Variants in CATSPER3 observed in about 807,000 individuals in gnomAD.
CATSPER3 encodes the protein cation channel sperm-associated protein 3.
A neutral mutation model predicts 36.6 loss-of-function variants in CATSPER3; 23 were observed. The ratio of observed to expected loss-of-function variants is 0.63; its 90% CI spans 0.45 to 0.89. The LOEUF is 0.89. Ranked by LOEUF, CATSPER3 falls within the 40% of genes least tolerant of loss-of-function variation. The pLI is 0.00. For missense variants in CATSPER3, 474 were observed against 503.9 expected, an observed-to-expected ratio of 0.94 and a Z score of 0.57; for synonymous variants, 172 against 184.1, an observed-to-expected ratio of 0.93 and a Z score of 0.53.
At chr5:135,010,321 G>C in intron 6 of CATSPER3, 52 bp from the exon 7 acceptor site, 1 of 1,524,526 alleles carries the variant, frequency 6.6e-7, no homozygotes, top group Non-Finnish European at 9.1e-7. Context: ...TCTCTGTGCA[G>C]CTCGGCTGTC....
At chr5:134,971,316 G>A (rs1451510429) in intron 2 of CATSPER3, among the ~76,000 whole-genome samples, 1 of 151,982 alleles carries the variant, frequency 6.6e-6, no homozygotes, top group Non-Finnish European at 1.5e-5. Flanking sequence ...AGCTACTCTA[G>A]AGGTTTAGGT....
Position 134,968,043 on chromosome 5 carries a change from G to A in CATSPER3, c.52G>A (p.Val18Ile). 2 of 1,614,046 alleles carry A rather than the reference G, an allele frequency of 1.2e-6. No homozygotes were observed. Residue 18 changes from valine (V) to isoleucine (I), a missense_variant, in exon 1 of 8, where the codon GTT becomes ATT. Physicochemically the swap from Val to Ile is conservative, Grantham distance 29 (BLOSUM62 3). Transcript: ENST00000282611. ...RHSRVISSSP[V>I]DTTSVGFCPT... is the part of the protein sequence containing the mutation. ...CTCGAGAGTCATTTCTAGTTCACCAGTTGACACTACATCGGTGGGATTTTG... is the reference window on the plus strand; with the variant it reads ...CTCGAGAGTCATTTCTAGTTCACCAATTGACACTACATCGGTGGGATTTTG...
At chr5:134,977,993 T>C (rs1751695960) in intron 2 of CATSPER3, among the ~76,000 whole-genome samples, 1 of 152,182 alleles carries the variant, frequency 6.6e-6, no homozygotes, top group Non-Finnish European at 1.5e-5. Flanking sequence ...TTATCACCAA[T>C]GGAATGGTGC....
chr5:134,970,061 A>G lies in CATSPER3; in HGVS notation c.221A>G (p.Asp74Gly). 6.2e-7 allele frequency: 1 copy of G among 1,614,108 alleles called. No homozygotes were observed. Among genetic ancestry groups the G allele is most frequent in the Non-Finnish European group, 8.5e-7 (1 of 1,179,996 alleles). Residue 74 changes from aspartate (D) to glycine (G), a missense_variant, in exon 2 of 8, where the codon GAC becomes GGC. Transcript: ENST00000282611. ...AFFMALWTSY[D>G]IRYRLFRLLE... Reference sequence around the variant, plus strand: ...TTTATGGCCTTGTGGACCAGTTATGACATAAGGTACCGCTTGTTCAGACTT... The same window carrying G: ...TTTATGGCCTTGTGGACCAGTTATGGCATAAGGTACCGCTTGTTCAGACTT...
chr5:135,007,585 T>G (rs1028563051), intron 3 of CATSPER3, among the ~76,000 whole-genome samples: 1 of 152,164 alleles, frequency 6.6e-6, no homozygotes, highest in African/African-American at 2.4e-5. Context: ...CAGAGAGCAT[T>G]CAGGGCTGGC....
At position 134,970,072 on chromosome 5, in the gene CATSPER3, C is replaced by A. The variant is rs765665127; in HGVS notation, c.232C>A (p.Arg78Ser). Reference protein sequence around the residue: ...ALWTSYDIRYRLFRLLEFSEI... With the variant: ...ALWTSYDIRYSLFRLLEFSEI... ...GTGGACCAGTTATGACATAAGGTAC[C>A]GCTTGTTCAGACTTCTTGAGGTAAG... The change falls in exon 2 of 8, where the codon CGC becomes AGC. Residue 78 changes from arginine (R) to serine (S), a missense_variant. Arg to Ser is a moderately radical substitution (Grantham distance 110). Coordinates refer to ENST00000282611, the MANE Select transcript of CATSPER3 (RefSeq NM_178019.3). The A allele has an allele frequency of 6.2e-7, 1 of 1,613,892 alleles. No homozygotes were observed. Among genetic ancestry groups the A allele is most frequent in the Non-Finnish European group, 8.5e-7 (1 of 1,179,970 alleles).
At chr5:135,010,287 G>A (rs1321347606) in intron 6 of CATSPER3, 86 bp from the exon 7 acceptor site, 1 of 1,202,272 alleles carries the variant, frequency 8.3e-7, no homozygotes, top group South Asian at 1.2e-5. Flanking sequence ...CGCTGCCTGG[G>A]GCCCATCCTG....
chr5:134,969,008 A>G (rs893015549), intron 1 of CATSPER3: 1 of 152,238 alleles, frequency 6.6e-6, no homozygotes, highest in East Asian at 1.9e-4. Context: ...CACAAAAACA[A>G]AAGATATAAA....
intron 2 of CATSPER3, among the ~76,000 whole-genome samples, chr5:134,981,363 G>T (rs1193590789): frequency 1.3e-5 from 2 of 152,106 alleles, no homozygotes; most frequent in African/African-American, 2.4e-5. Flanking sequence ...CATGGTGCCT[G>T]TAATCCCAGC....
chr5:135,005,047 C>T (rs1034184756), intron 3 of CATSPER3, among the ~76,000 whole-genome samples: 19 of 152,000 alleles, frequency 1.3e-4, no homozygotes, highest in African/African-American at 4.4e-4. Context: ...AAAAGGAGAC[C>T]CAGGACCACA....
chr5:134,976,851 G>A (rs1751681524), intron 2 of CATSPER3, among the ~76,000 whole-genome samples: 3 of 152,260 alleles, frequency 2.0e-5, no homozygotes, highest in Non-Finnish European at 4.4e-5. Context: ...AAGGCTTGCA[G>A]CAGCTTGTGC....
At chr5:135,006,679 CAAA>C (rs201692104) in intron 3 of CATSPER3, among the ~76,000 whole-genome samples, 2 of 149,914 alleles carry the variant, frequency 1.3e-5, no homozygotes, top group Admixed American at 6.6e-5. Flanking sequence ...ACTAAAAATA[CAAA>C]AAAAAATTAG....
intron 2 of CATSPER3, 34 bp downstream of exon 2, chr5:134,970,126 TTTTAAAACATGC>T: frequency 6.3e-7 from 1 of 1,594,328 alleles, no homozygotes; most frequent in Non-Finnish European, 8.6e-7. Context: ...TTTCTTCTTT[TTTTAAAACATGC>T]TTTATTTCTG....
intron 7 of CATSPER3, among the ~76,000 whole-genome samples, chr5:135,011,007 C>T (rs570350169): frequency 6.6e-6 from 1 of 152,302 alleles, no homozygotes; most frequent in East Asian, 1.9e-4. Flanking sequence ...AGGGCTTGTG[C>T]TCAGTGTGAG....
At chr5:134,998,148 C>A (rs1184388461) in intron 3 of CATSPER3, among the ~76,000 whole-genome samples, 1 of 152,134 alleles carries the variant, frequency 6.6e-6, no homozygotes, top group Non-Finnish European at 1.5e-5. Flanking sequence ...CAGTTCCCAC[C>A]TATAAGTGAG....
intron 3 of CATSPER3, among the ~76,000 whole-genome samples, chr5:135,000,752 G>A (rs1387762427): frequency 6.6e-6 from 1 of 152,070 alleles, no homozygotes; most frequent in African/African-American, 2.4e-5. Flanking sequence ...TATTTCTGTG[G>A]GATTGGTGGT....
At chr5:135,001,911 T>C (rs1752024401) in intron 3 of CATSPER3, among the ~76,000 whole-genome samples, 1 of 152,230 alleles carries the variant, frequency 6.6e-6, no homozygotes, top group Admixed American at 6.5e-5. Flanking sequence ...CTTGACTCTT[T>C]ATCCAATTTG....
intron 3 of CATSPER3, among the ~76,000 whole-genome samples, chr5:135,005,219 C>T (rs1752071460): frequency 6.6e-6 from 1 of 152,222 alleles, no homozygotes; most frequent in South Asian, 2.1e-4. Flanking sequence ...GGCAAAGGCT[C>T]CTGCTGGCCA....
At chr5:134,970,568 ATT>A (rs35264342) in intron 2 of CATSPER3, among the ~76,000 whole-genome samples, 139 of 124,220 alleles carry the variant, frequency 1.1e-3, no homozygotes, top group African/African-American at 3.7e-3. Context: ...GACATGGTGG[ATT>A]TTTTTTTTTT....
Sources: allele counts gnomAD v4.1 joint callset (sites outside exome capture counted in the v4.1 genomes callset), GRCh38; gene constraint gnomAD v4.1.1; transcripts MANE v1.5; gene names NCBI Gene and HGNC (gene_info 2026-07-23, HGNC 2026-07-21).